Variants in CRPPA observed in about 807,000 individuals in gnomAD.
CRPPA encodes CDP-L-ribitol pyrophosphorylase A, also known as D-ribitol-5-phosphate cytidylyltransferase.
CRPPA carries 43 observed loss-of-function variants against 52.0 expected under a neutral mutation model. That is an observed-to-expected ratio of 0.83 (90% confidence interval 0.65 to 1.07). CRPPA has a LOEUF of 1.07. Among genes scored for constraint, CRPPA ranks in the 50% least tolerant of loss-of-function variants. The pLI is 0.00. For synonymous variants in CRPPA, 250 were observed against 203.5 expected (o/e 1.23, Z -1.94); for missense variants, 629 against 551.7 (o/e 1.14, Z -1.40).
At chr7:16,118,253 A>C (rs943488355) in intron 9 of CRPPA, among the ~76,000 whole-genome samples, 1 of 152,136 alleles carries the variant, frequency 6.6e-6, no homozygotes, top group African/African-American at 2.4e-5. Context: ...CAGACTGTGG[A>C]AGGTGGTGGT....
chr7:16,329,754 A>G (rs12538891), intron 3 of CRPPA, among the ~76,000 whole-genome samples: 36,196 of 152,126 alleles, frequency 0.24, 4,584 homozygotes, highest in Non-Finnish European at 0.3. Flanking sequence ...AATTATATAT[A>G]AGTAATCTTT....
intron 5 of CRPPA, among the ~76,000 whole-genome samples, chr7:16,296,088 G>C (rs1250675073): frequency 6.6e-6 from 1 of 152,054 alleles, no homozygotes; most frequent in African/African-American, 2.4e-5. Context: ...GACTCTGAAA[G>C]ACAAATGAAA....
chr7:16,298,357 TAAAAAG>T (rs936411244), intron 5 of CRPPA, among the ~76,000 whole-genome samples: 7 of 152,176 alleles, frequency 4.6e-5, no homozygotes, highest in African/African-American at 1.2e-4. Context: ...AATAGAAATA[TAAAAAG>T]ATCAAACTGC....
At chr7:16,237,003 T>A (rs945873664) in intron 8 of CRPPA, among the ~76,000 whole-genome samples, 46 of 151,926 alleles carry the variant, frequency 3.0e-4, no homozygotes, top group Non-Finnish European at 8.8e-5. Context: ...ATCTTTTTAA[T>A]TATACTTTGC....
At chr7:16,354,182 C>G (rs368573620) in intron 3 of CRPPA, among the ~76,000 whole-genome samples, 1 of 152,068 alleles carries the variant, frequency 6.6e-6, no homozygotes, top group South Asian at 2.1e-4. Context: ...CTCTTGGAAA[C>G]AAATGATGGC....
chr7:16,362,432 A>G (rs1391648529), intron 3 of CRPPA, among the ~76,000 whole-genome samples: 1 of 152,162 alleles, frequency 6.6e-6, no homozygotes, highest in Non-Finnish European at 1.5e-5. Context: ...CTGGGACATT[A>G]ATCTCATTGA....
chr7:16,181,511 GT>G (rs1256220056), intron 9 of CRPPA, among the ~76,000 whole-genome samples: 3 of 151,758 alleles, frequency 2.0e-5, no homozygotes, highest in African/African-American at 7.3e-5. Context: ...CAGCTTCAAG[GT>G]ATAAACAAAA....
intron 3 of CRPPA, among the ~76,000 whole-genome samples, chr7:16,337,619 G>T (rs1315487289): frequency 1.3e-5 from 2 of 151,800 alleles, no homozygotes; most frequent in Non-Finnish European, 2.9e-5. Context: ...TTGCAAATTA[G>T]AAAACTCCTT....
chr7:16,361,015 C>CA (rs1562653492), intron 3 of CRPPA, among the ~76,000 whole-genome samples: 1 of 151,992 alleles, frequency 6.6e-6, no homozygotes, highest in East Asian at 1.9e-4. Context: ...CTAAACTCGA[C>CA]AAAAAATAAC....
intron 2 of CRPPA, among the ~76,000 whole-genome samples, chr7:16,393,565 C>T (rs1266372555): frequency 1.3e-5 from 2 of 152,090 alleles, no homozygotes; most frequent in Non-Finnish European, 2.9e-5. Context: ...AACCCCTACT[C>T]AATCTGTAAA....
At position 16,286,038 on chromosome 7, in the gene CRPPA, AATATAAATATATATATAT is replaced by A. The variant is rs1414208189; in HGVS notation, c.836-7830_836-7813del. Among the ~76,000 whole-genome samples, 18 of 17,494 alleles carry A rather than the reference AATATAAATATATATATAT, an allele frequency of 1.0e-3. 1 individual carries two copies. Among genetic ancestry groups the A allele is most frequent in the African/African-American group, 3.0e-3 (8 of 2,652 alleles). 11.5% of individuals were successfully genotyped at this position (17,494 alleles called of 152,430 possible). A position where few individuals can be genotyped will look rare whatever the true frequency, so the allele number is the denominator to read the frequency against. On this transcript the variant is annotated intron_variant, in intron 5 of 9. Coordinates refer to ENST00000407010, the MANE Select transcript of CRPPA (RefSeq NM_001101426.4). ...TCCATCTCAAAAAAAAAAAAAAAAAAATATAAATATATATATATATATATATATATATATATATATATA... is the reference window on the plus strand; with the variant it reads ...TCCATCTCAAAAAAAAAAAAAAAAAAATATATATATATATATATATATATA...
chr7:16,193,987 G>A (rs954290713), intron 9 of CRPPA, among the ~76,000 whole-genome samples: 1 of 151,948 alleles, frequency 6.6e-6, no homozygotes, highest in Admixed American at 6.6e-5. Flanking sequence ...CTGATATCAC[G>A]AAAATTGAAA....
intron 9 of CRPPA, among the ~76,000 whole-genome samples, chr7:16,176,421 T>A (rs1490051177): frequency 6.6e-6 from 1 of 152,132 alleles, no homozygotes; most frequent in Non-Finnish European, 1.5e-5. Flanking sequence ...CATAAAGAGA[T>A]GTTCAATCTC....
chr7:16,243,974 T>C (rs78558353), intron 8 of CRPPA, among the ~76,000 whole-genome samples: 16,391 of 152,072 alleles, frequency 0.11, 986 homozygotes, highest in Non-Finnish European at 0.15. Flanking sequence ...AGTCAATCAA[T>C]CAACCAATAA....
chr7:16,101,116 T>C (rs1310355169), intron 9 of CRPPA, among the ~76,000 whole-genome samples: 3 of 152,152 alleles, frequency 2.0e-5, no homozygotes, highest in Non-Finnish European at 2.9e-5. Flanking sequence ...AGACACAACT[T>C]TTTTTGTTGT....
At chr7:16,113,621 A>T (rs1479938545) in intron 9 of CRPPA, among the ~76,000 whole-genome samples, 1 of 152,122 alleles carries the variant, frequency 6.6e-6, no homozygotes. Context: ...AAATAATGGT[A>T]GCAAGAACAC....
In CRPPA at chr7:16,087,967, T is replaced by C. The variant is rs975364003; in HGVS notation, c.*3728A>G. 1.3e-5 allele frequency: 2 copies of C among 152,202 alleles called. No individual in the cohort carries two copies. Among genetic ancestry groups the C allele is most frequent in the Non-Finnish European group, 2.9e-5 (2 of 68,022 alleles). The allele number at this position is 152,202 out of a possible 1,614,324, so 9.4% of individuals were successfully genotyped here. A position where few individuals can be genotyped will look rare whatever the true frequency, so the allele number is the denominator to read the frequency against. On this transcript the variant is annotated 3_prime_UTR_variant, in exon 10 of 10. Coordinates refer to ENST00000407010, the MANE Select transcript of CRPPA (RefSeq NM_001101426.4). ...ACTGTATTTACATAAAGTTGAGTTA[T>C]AAGTTAGGGAAGAAAAAATTTCTGT...
At chr7:16,396,896 AC>A (rs1787591753) in intron 2 of CRPPA, among the ~76,000 whole-genome samples, 1 of 152,260 alleles carries the variant, frequency 6.6e-6, no homozygotes, top group Non-Finnish European at 1.5e-5. Context: ...CAAAAATGTG[AC>A]ACATGTGTGA....
At chr7:16,372,021 T>A (rs542096247) in intron 3 of CRPPA, among the ~76,000 whole-genome samples, 16 of 151,274 alleles carry the variant, frequency 1.1e-4, no homozygotes, top group Non-Finnish European at 1.9e-4. Context: ...AAAAAAAAAA[T>A]TTTAAAAAAA....
Sources: allele counts gnomAD v4.1 joint callset (sites outside exome capture counted in the v4.1 genomes callset), GRCh38; gene constraint gnomAD v4.1.1; transcripts MANE v1.5; gene names NCBI Gene and HGNC (gene_info 2026-07-23, HGNC 2026-07-21).